Variants in FLT1 observed in about 807,000 individuals in gnomAD.
FLT1 encodes the protein vascular endothelial growth factor receptor 1.
In FLT1, 49 loss-of-function variants were observed where a neutral mutation model predicts 156.3. The observed-to-expected ratio is 0.31, with a 90% CI of 0.25 to 0.40. FLT1 has a LOEUF of 0.40. Ranked by LOEUF, FLT1 falls within the 10% of genes least tolerant of loss-of-function variation. FLT1 has a pLI of 1.00. For synonymous variants in FLT1, 594 were observed against 583.8 expected (o/e 1.02, Z -0.25); for missense variants, 1,322 against 1,637.2 (o/e 0.81, Z 3.32).
chr13:28,346,568 A>AAAAAAG (rs67973168), intron 15 of FLT1, among the ~76,000 whole-genome samples: 1 of 150,562 alleles, frequency 6.6e-6, no homozygotes, highest in Non-Finnish European at 1.5e-5. Context: ...AAAAAAAAAA[A>AAAAAAG]ATGTGGTAGC....
intron 11 of FLT1, among the ~76,000 whole-genome samples, chr13:28,399,460 G>T (rs957742400): frequency 2.6e-5 from 4 of 152,062 alleles, no homozygotes; most frequent in African/African-American, 9.7e-5. Flanking sequence ...AAAAGATTTT[G>T]ATTTCATTGA....
chr13:28,427,675 G>T, intron 9 of FLT1, 77 bp downstream of exon 9: 1 of 1,277,464 alleles, frequency 7.8e-7, no homozygotes, highest in Non-Finnish European at 1.1e-6. Flanking sequence ...ATGTTGTTAC[G>T]CTGATTTTTG....
At chr13:28,360,586 A>T (rs1565985283) in intron 14 of FLT1, among the ~76,000 whole-genome samples, 1 of 152,216 alleles carries the variant, frequency 6.6e-6, no homozygotes, top group Non-Finnish European at 1.5e-5. Context: ...TAAGCCAGGC[A>T]CTGAGAGACA....
chr13:28,323,646 C>A (rs1871565083), intron 20 of FLT1, among the ~76,000 whole-genome samples: 1 of 87,494 alleles, frequency 1.1e-5, no homozygotes, highest in Admixed American at 1.6e-4. Flanking sequence ...AGCAAAACTC[C>A]ATCTCAAAAA....
At chr13:28,332,046 C>T (rs965338587) in intron 18 of FLT1, among the ~76,000 whole-genome samples, 26 of 151,922 alleles carry the variant, frequency 1.7e-4, no homozygotes, top group African/African-American at 4.6e-4. Flanking sequence ...GGCAAGATGG[C>T]GATACTGTCT....
At position 28,431,123 on chromosome 13, in the gene FLT1, G is replaced by T; in HGVS notation, c.988+13C>A. ...AAGCATAGCATGAGTTGGCAACGCT[G>T]AACTATGCTTACCATATATATGCAC... On this transcript the variant is annotated intron_variant, in intron 7 of 29. Coordinates refer to ENST00000282397, the MANE Select transcript of FLT1 (RefSeq NM_002019.4). 3.7e-6 allele frequency: 6 copies of T among 1,606,258 alleles called. No homozygotes were observed. Among genetic ancestry groups the T allele is most frequent in the East Asian group, 2.2e-5 (1 of 44,840 alleles).
chr13:28,411,343 G>A (rs1321099140), intron 10 of FLT1, among the ~76,000 whole-genome samples: 2 of 151,414 alleles, frequency 1.3e-5, no homozygotes, highest in African/African-American at 4.9e-5. Context: ...ACCTGAGGTT[G>A]GGAGTTCGAG....
chr13:28,425,766 T>A lies in FLT1; in HGVS notation c.1436+1393A>T, dbSNP rs191627745. ...TTTATTTGCATGTTAGGTTGGCACA[T>A]ATGTCAAGACCCTAAACGGATGGGT... On this transcript the variant is annotated intron_variant, in intron 10 of 29. Coordinates refer to ENST00000282397, the MANE Select transcript of FLT1 (RefSeq NM_002019.4). Among the ~76,000 whole-genome samples, 888 of 152,334 alleles carry A rather than the reference T, an allele frequency of 5.8e-3. 13 individuals are homozygous for A. The highest frequency in any genetic ancestry group is 0.02 in the African/African-American group (846 of 41,578).
At chr13:28,339,057 TG>T in intron 17 of FLT1, 110 bp downstream of exon 17, 1 of 953,898 alleles carries the variant, frequency 1.0e-6, no homozygotes, top group Non-Finnish European at 1.6e-6. Flanking sequence ...TGTGAGCAGC[TG>T]GAGGGTAGAA....
At chr13:28,406,647 T>C (rs1241536240) in intron 10 of FLT1, among the ~76,000 whole-genome samples, 1 of 31,016 alleles carries the variant, frequency 3.2e-5, no homozygotes, top group Non-Finnish European at 9.5e-5. Flanking sequence ...TTATTATTAT[T>C]ATTATTATTA....
rs1044008389 is a variant in FLT1 at position 28,427,207 on chromosome 13, G to A, written c.1388C>T (p.Thr463Ile). 5.0e-6 allele frequency: 8 copies of A among 1,614,050 alleles called. No homozygotes were observed. Among genetic ancestry groups the A allele is most frequent in the Non-Finnish European group, 6.8e-6 (8 of 1,179,912 alleles). Residue 463 changes from threonine (T) to isoleucine (I), a missense_variant, in exon 10 of 30, where the codon ACA becomes ATA. Thr to Ile is a moderately conservative substitution (Grantham distance 89). Around this residue, in one of 3 missense-constraint regions of FLT1, gnomAD observed 991 missense variants for 1,254.8 expected, o/e 0.79. Coordinates refer to ENST00000282397, the MANE Select transcript of FLT1 (RefSeq NM_002019.4). ...TCTAYGIPQP[T>I]IKWFWHPCNH... is the part of the protein sequence containing the mutation. ...ACAGGGGTGCCAGAACCACTTGATT[G>A]TAGGTTGAGGGATACCATATGCGGT...
At chr13:28,387,703 CT>C (rs1477607173) in intron 13 of FLT1, 712 of 908,092 alleles carry the variant, frequency 7.8e-4, no homozygotes, top group African/African-American at 2.7e-3. Flanking sequence ...CTTTTTTCTC[CT>C]TTTTTTTTTC....
rs983815143 is a variant in FLT1, at chr13:28,386,354, T to C, written c.1970-1323A>G. 2.2e-4 allele frequency: 216 copies of C among 1,002,360 alleles called. No individual in the cohort carries two copies. In the African/African-American group the frequency reaches 2.9e-3, roughly 14 times the overall value. 62.1% of individuals were successfully genotyped at this position (1,002,360 alleles called of 1,614,324 possible). A position where few individuals can be genotyped will look rare whatever the true frequency, so the allele number is the denominator to read the frequency against. ...AAATTTTATAACATTGTTGAAGTAG[T>C]ATATCATGGCAGGGTTACTATCTGT... On this transcript the variant is annotated intron_variant, in intron 13 of 29. Coordinates refer to ENST00000282397, the MANE Select transcript of FLT1 (RefSeq NM_002019.4).
At position 28,369,499 on chromosome 13, in the gene FLT1, TG is replaced by T. The variant is rs1394065173; in HGVS notation, c.2117-11815del. ...AAGATCATGCCACTGTACTCCAGCA[TG>T]GATGACAGAACGAGACTCCATCTCC... On this transcript the variant is annotated intron_variant, in intron 14 of 29. Coordinates refer to ENST00000282397, the MANE Select transcript of FLT1 (RefSeq NM_002019.4). 6.6e-5 allele frequency among the ~76,000 whole-genome samples: 10 copies of T among 152,270 alleles called. No homozygotes were observed. In the East Asian group the frequency reaches 1.9e-3, roughly 29 times the overall value.
At chr13:28,482,493 TAAA>T (rs907256678) in intron 1 of FLT1, among the ~76,000 whole-genome samples, 49 of 148,184 alleles carry the variant, frequency 3.3e-4, no homozygotes, top group African/African-American at 1.1e-3. Flanking sequence ...TAAATAATAA[TAAA>T]GAAAGAAAAA....
chr13:28,463,121 G>A (rs1486572476), intron 3 of FLT1, among the ~76,000 whole-genome samples: 1 of 152,112 alleles, frequency 6.6e-6, no homozygotes, highest in Non-Finnish European at 1.5e-5. Context: ...ACAAATGTAA[G>A]AAATTATTAT....
At chr13:28,380,294 T>C (rs1874021582) in intron 14 of FLT1, among the ~76,000 whole-genome samples, 3 of 152,190 alleles carry the variant, frequency 2.0e-5, no homozygotes, top group Admixed American at 6.5e-5. Context: ...GAAATAGTCA[T>C]AAAAGAGTTG....
rs576109572 is a variant in FLT1, at chr13:28,318,566, G to T, written c.3286+857C>A. Among the ~76,000 whole-genome samples, 5 of 152,316 alleles carry T rather than the reference G, an allele frequency of 3.3e-5. No homozygotes were observed. In the East Asian group the frequency reaches 9.6e-4, roughly 29 times the overall value. On this transcript the variant is annotated intron_variant, in intron 24 of 29. Coordinates refer to ENST00000282397, the MANE Select transcript of FLT1 (RefSeq NM_002019.4). ...GTAGGAAGCAGCTGGGAGGCGTGCA[G>T]TGCTGGCACCGTGTCATCGCAGGAC... is the stretch of plus-strand genomic sequence containing the variant.
In FLT1 at chr13:28,322,291, T is replaced by C. The variant is rs202214802; in HGVS notation, c.3022A>G (p.Arg1008Gly). Reference sequence around the variant, plus strand: ...CTGGAAGACAGGAACTCCATGCCTCTGGCCACTTGAAAACTGTAAGAAATC... The same window carrying C: ...CTGGAAGACAGGAACTCCATGCCTCCGGCCACTTGAAAACTGTAAGAAATC... Reference protein sequence around the residue: ...DLISYSFQVARGMEFLSSRKC... With the variant: ...DLISYSFQVAGGMEFLSSRKC... The change falls in exon 22 of 30, where the codon AGA (arginine) becomes GGA (glycine). Residue 1008 changes from arginine to glycine, a missense_variant. This residue lies in a region of FLT1 where 991 missense variants were observed against 1,254.8 expected (regional missense o/e 0.79). Transcript: ENST00000282397. The surrounding 1 kb of genome is among the most constrained non-coding windows in gnomAD (Gnocchi z 4.3). The C allele has an allele frequency of 7.4e-6, 12 of 1,612,664 alleles. No individual in the cohort carries two copies.
Sources: gnomAD v4.1 joint callset for allele counts (sites outside exome capture counted in the v4.1 genomes callset) on GRCh38, gnomAD v4.1.1 for gene constraint, gnomAD v4.1.1 regional missense constraint, Gnocchi (gnomAD v3.1) non-coding constraint, MANE v1.5 for transcripts, NCBI Gene and HGNC (gene_info 2026-07-23, HGNC 2026-07-21) for gene names.